SFTPD: variants seen among roughly 807,000 people sequenced by gnomAD.
SFTPD encodes pulmonary surfactant-associated protein D.
SFTPD carries 18 observed loss-of-function variants against 34.6 expected under a neutral mutation model. That is an observed-to-expected ratio of 0.52 (90% confidence interval 0.36 to 0.77). SFTPD has a LOEUF of 0.77. Ranked by LOEUF, SFTPD falls within the 30% of genes least tolerant of loss-of-function variation. The pLI is 0.00. For synonymous variants in SFTPD, 155 were observed against 180.9 expected, an observed-to-expected ratio of 0.86 and a Z score of 1.15; for missense variants, 433 against 468.9, an observed-to-expected ratio of 0.92 and a Z score of 0.71.
At chr10:79,946,420 C>T (rs1251683833) in intron 2 of SFTPD, 41 bp downstream of exon 2, 2 of 1,447,288 alleles carry the variant, frequency 1.4e-6, no homozygotes, top group East Asian at 2.3e-5. Flanking sequence ...GTTCCAATGA[C>T]CATTCCTCCC....
Position 79,956,097 on chromosome 10 carries a change from T to C in SFTPD, c.37-9435A>G, listed in dbSNP as rs1015046062. On this transcript the variant is annotated intron_variant, in intron 1 of 5. Transcript: ENST00000444384. ...GTTATAGAATCCATCTGATTTTATA[T>C]GAAAATGATTTATATATTTATTGTG... Among the ~76,000 whole-genome samples the C allele has an allele frequency of 4.6e-5, 7 of 152,082 alleles. No individual in the cohort carries two copies. The South Asian group carries it at 8.3e-4, about 18-fold the overall frequency.
intron 1 of SFTPD, among the ~76,000 whole-genome samples, chr10:79,955,846 T>G (rs1842735336): frequency 6.6e-6 from 1 of 152,202 alleles, no homozygotes; most frequent in African/African-American, 2.4e-5. Context: ...AAGGAGTGGT[T>G]AAAGAGAAAC....
chr10:79,978,712 C>T (rs934704536), intron 1 of SFTPD, among the ~76,000 whole-genome samples: 6 of 148,624 alleles, frequency 4.0e-5, no homozygotes, highest in Non-Finnish European at 7.4e-5. Flanking sequence ...AAAATAAAGG[C>T]CTTATATGAC....
At chr10:79,969,666 T>C (rs1329870275) in intron 1 of SFTPD, 4 of 152,208 alleles carry the variant, frequency 2.6e-5, no homozygotes, top group Non-Finnish European at 5.9e-5. Flanking sequence ...TATAGAATTT[T>C]TTTTATATAC....
chr10:79,942,411 G>C lies in SFTPD; in HGVS notation c.410C>G (p.Pro137Arg), dbSNP rs141481902. The change falls in exon 4 of 8, where the codon CCA (proline) becomes CGA (arginine). Residue 137 changes from proline to arginine, a missense_variant. Coordinates refer to ENST00000372292, the MANE Select transcript of SFTPD (RefSeq NM_003019.5). ...ACCTTTGGGCCCAGCTTCTCCTTTT[G>C]GGCCTGGCTTGCCCTGAGGTCCTAT... ...GNIGPQGKPGPKGEAGPKGEV... is the reference protein window; with the variant it reads ...GNIGPQGKPGRKGEAGPKGEV... 2 of 1,611,836 alleles carry C rather than the reference G, an allele frequency of 1.2e-6. No individual in the cohort carries two copies. The highest frequency in any genetic ancestry group is 1.7e-6 in the Non-Finnish European group (2 of 1,178,236).
At chr10:79,962,094 A>G (rs1309284240) in intron 1 of SFTPD, among the ~76,000 whole-genome samples, 1 of 137,062 alleles carries the variant, frequency 7.3e-6, no homozygotes, top group African/African-American at 2.8e-5. Context: ...GAATTGAACA[A>G]TGAGATCACA....
In SFTPD at chr10:79,965,539, CTTT is replaced by C. The variant is rs149878455; in HGVS notation, c.36+17033_36+17035del. ...TTTACCACTATTTCATTTTATTTTT[CTTT>C]TTTTTTTTTTAATTTTTTATTTTTT... On this transcript the variant is annotated intron_variant, in intron 1 of 5. Transcript: ENST00000444384. Among the ~76,000 whole-genome samples the C allele has an allele frequency of 1.3e-4, 15 of 113,506 alleles. 1 individual carries two copies. The South Asian group carries it at 4.2e-3, about 32-fold the overall frequency. The allele number at this position is 113,506 out of a possible 152,430, so 74.5% of individuals were successfully genotyped here.
chr10:79,944,543 G>C (rs904553807), intron 2 of SFTPD, among the ~76,000 whole-genome samples: 2 of 152,142 alleles, frequency 1.3e-5, no homozygotes, highest in African/African-American at 2.4e-5. Flanking sequence ...GGGCCAGAAA[G>C]AAGCTATGTG....
intron 1 of SFTPD, among the ~76,000 whole-genome samples, chr10:79,964,448 T>G (rs893306819): frequency 6.6e-6 from 1 of 152,176 alleles, no homozygotes; most frequent in African/African-American, 2.4e-5. Flanking sequence ...GCAGTTTTTC[T>G]CCTTCTCATC....
intron 2 of SFTPD, 137 bp from the exon 3 acceptor site, chr10:79,943,016 G>A (rs1168326049): frequency 3.2e-6 from 2 of 624,790 alleles, no homozygotes. Flanking sequence ...CAGGCCCAGT[G>A]GTGATCCAGG....
chr10:79,938,960 G>A (rs976397696), intron 7 of SFTPD, among the ~76,000 whole-genome samples: 1 of 152,184 alleles, frequency 6.6e-6, no homozygotes, highest in Non-Finnish European at 1.5e-5. Flanking sequence ...TGTTAGTGCT[G>A]GAGACAGCCC....
At chr10:79,982,067 T>C (rs963968640) in intron 1 of SFTPD, 15 of 292,516 alleles carry the variant, frequency 5.1e-5, no homozygotes, top group Non-Finnish European at 7.5e-5. Context: ...GCGGGGGGTC[T>C]CTCTGGGCCG....
chr10:79,978,806 C>A (rs1053128690), intron 1 of SFTPD, among the ~76,000 whole-genome samples: 1 of 151,930 alleles, frequency 6.6e-6, no homozygotes, highest in African/African-American at 2.4e-5. Flanking sequence ...GATGTACACT[C>A]TTGTTACTTC....
intron 1 of SFTPD, among the ~76,000 whole-genome samples, chr10:79,975,054 TG>T (rs200104573): frequency 5.3e-5 from 8 of 152,052 alleles, no homozygotes; most frequent in Admixed American, 1.3e-4. Flanking sequence ...CCTGTTGATC[TG>T]GGGGGGTGTA....
intron 1 of SFTPD, among the ~76,000 whole-genome samples, chr10:79,973,664 C>T (rs146274429): frequency 6.6e-6 from 1 of 151,098 alleles, no homozygotes; most frequent in African/African-American, 2.4e-5. Flanking sequence ...TGTTAATTTC[C>T]TTGTGTTATT....
At chr10:79,949,215 C>T (rs1385001868), upstream of SFTPD, 1 of 152,212 alleles carries the variant, frequency 6.6e-6, no homozygotes, top group Non-Finnish European at 1.5e-5. Context: ...TATTGACTCA[C>T]TCACTCTTAT....
intron 1 of SFTPD, among the ~76,000 whole-genome samples, chr10:79,982,377 G>A (rs1842896543): frequency 6.6e-6 from 1 of 151,710 alleles, no homozygotes; most frequent in Admixed American, 6.5e-5. Context: ...AGCCGCTCCC[G>A]CGGCGGGGCC....
intron 1 of SFTPD, among the ~76,000 whole-genome samples, chr10:79,957,161 C>T (rs563631613): frequency 2.9e-4 from 43 of 150,718 alleles, no homozygotes; most frequent in African/African-American, 9.7e-4. Flanking sequence ...ATGTCACCAT[C>T]GTCAAAGACC....
intron 1 of SFTPD, among the ~76,000 whole-genome samples, chr10:79,965,276 CTTCCATTTAGTT>C (rs919504879): frequency 1.3e-5 from 2 of 152,074 alleles, no homozygotes; most frequent in African/African-American, 4.8e-5. Context: ...GACCTTGTGT[CTTCCATTTAGTT>C]TCTCAATTCA....
Sources: allele counts gnomAD v4.1 joint callset (sites outside exome capture counted in the v4.1 genomes callset), GRCh38; gene constraint gnomAD v4.1.1; transcripts MANE v1.5; gene names NCBI Gene and HGNC (gene_info 2026-07-23, HGNC 2026-07-21).